CUBN: variants seen among roughly 807,000 people sequenced by gnomAD.
The protein encoded by CUBN is cubilin.
In CUBN, 282 loss-of-function variants were observed where a neutral mutation model predicts 405.3. That is an observed-to-expected ratio of 0.70 (90% CI 0.63 to 0.77). The LOEUF (loss-of-function observed/expected upper bound fraction) is 0.77, where lower values mean the gene tolerates loss of function less well. Ranked by LOEUF, CUBN falls within the 30% of genes least tolerant of loss-of-function variation. CUBN has a pLI of 0.00. For synonymous variants in CUBN, 1,684 were observed against 1,617.0 expected (o/e 1.04, Z -0.99); for missense variants, 4,514 against 4,475.2 (o/e 1.01, Z -0.25).
At position 16,990,372 on chromosome 10, in the gene CUBN, C is replaced by T. The variant is rs764937978; in HGVS notation, c.4312G>A (p.Val1438Met). 1 of 1,614,210 alleles carries T rather than the reference C, an allele frequency of 6.2e-7. No homozygotes were observed. Among genetic ancestry groups the T allele is most frequent in the Admixed American group, 1.7e-5 (1 of 60,022 alleles). Residue 1438 changes from valine (V) to methionine (M), a missense_variant, in exon 29 of 67, where the codon GTG (valine) becomes ATG (methionine). Val to Met is a conservative substitution (Grantham distance 21). Transcript: ENST00000377833. ...AAGTTGCACCTTGAATGATACTCCA[C>T]ATCGAAGTCATGGATGGTGAGCTGA... ...SIQLTIHDFD[V>M]EYHSRCNFDV...
At chr10:16,943,528 T>C (rs1319811426) in intron 36 of CUBN, among the ~76,000 whole-genome samples, 2 of 152,226 alleles carry the variant, frequency 1.3e-5, no homozygotes, top group Non-Finnish European at 2.9e-5. Context: ...TTATTACTCA[T>C]AATATGATCA....
intron 31 of CUBN, among the ~76,000 whole-genome samples, chr10:16,972,683 C>A (rs61841477): frequency 0.14 from 20,613 of 151,974 alleles, 1,505 homozygotes; most frequent in Non-Finnish European, 0.16. Flanking sequence ...GTCTCGGCCT[C>A]CCAAAGTGCT....
At chr10:16,914,415 C>T (rs1164907982) in intron 47 of CUBN, among the ~76,000 whole-genome samples, 1 of 151,958 alleles carries the variant, frequency 6.6e-6, no homozygotes, top group Non-Finnish European at 1.5e-5. Flanking sequence ...AAAAATTAGC[C>T]GGGCGTCGTG....
intron 63 of CUBN, among the ~76,000 whole-genome samples, 153 bp downstream of exon 63, chr10:16,836,082 T>C (rs1839159558): frequency 6.6e-6 from 1 of 152,228 alleles, no homozygotes; most frequent in South Asian, 2.1e-4. Flanking sequence ...TTTGCTAAAT[T>C]GGGCTGGGTT....
intron 59 of CUBN, among the ~76,000 whole-genome samples, chr10:16,858,306 C>CTTATTT (rs978331395): frequency 7.9e-5 from 12 of 152,036 alleles, no homozygotes; most frequent in African/African-American, 2.9e-4. Context: ...AAAAGCTTAA[C>CTTATTT]TTATTTTTAT....
intron 17 of CUBN, among the ~76,000 whole-genome samples, chr10:17,078,970 A>G (rs1006095894): frequency 3.3e-5 from 5 of 152,220 alleles, no homozygotes; most frequent in Non-Finnish European, 2.9e-5. Flanking sequence ...TCCTTCAAAC[A>G]CAGCAAAAAT....
At chr10:16,917,166 A>T (rs1229651766) in intron 45 of CUBN, among the ~76,000 whole-genome samples, 2 of 152,146 alleles carry the variant, frequency 1.3e-5, no homozygotes, top group African/African-American at 4.8e-5. Flanking sequence ...TCAGAGAAAA[A>T]AAAGGTTAAT....
Position 17,123,730 on chromosome 10 carries a change from C to T in CUBN, c.388-41G>A, listed in dbSNP as rs748001849. 5.6e-6 allele frequency: 8 copies of T among 1,421,492 alleles called. No homozygotes were observed. The African/African-American group carries it at 9.8e-5, about 17-fold the overall frequency. The allele number at this position is 1,421,492 out of a possible 1,614,324, so 88.1% of individuals were successfully genotyped here. A position where few individuals can be genotyped will look rare whatever the true frequency, so the allele number is the denominator to read the frequency against. On this transcript the variant is annotated intron_variant, in intron 4 of 66. Transcript: ENST00000377833. ...GACAGTCAATGAGATGACTTGCAGTCAGCAGCAACAAAACGCATGTTACCG... is the reference window on the plus strand; with the variant it reads ...GACAGTCAATGAGATGACTTGCAGTTAGCAGCAACAAAACGCATGTTACCG...
chr10:16,881,826 T>A (rs1840671751), intron 56 of CUBN, among the ~76,000 whole-genome samples: 1 of 152,106 alleles, frequency 6.6e-6, no homozygotes, highest in Admixed American at 6.5e-5. Context: ...TGCAAGAAAA[T>A]GGATATGTGT....
chr10:16,989,570 A>T (rs1251200639), intron 29 of CUBN, among the ~76,000 whole-genome samples: 1 of 94,646 alleles, frequency 1.1e-5, no homozygotes, highest in African/African-American at 3.3e-5. Context: ...TTAAAGCTAT[A>T]TATTTAAAAT....
At chr10:17,008,038 A>G (rs1014676504) in intron 28 of CUBN, among the ~76,000 whole-genome samples, 1 of 152,104 alleles carries the variant, frequency 6.6e-6, no homozygotes, top group Non-Finnish European at 1.5e-5. Context: ...CTGTAGTCCC[A>G]GCTACTCAAG....
In CUBN at chr10:16,869,802, C is replaced by T; in HGVS notation, c.9288G>A (p.Leu3096=). 1 of 1,614,070 alleles carries T rather than the reference C, an allele frequency of 6.2e-7. No homozygotes were observed. Among genetic ancestry groups the T allele is most frequent in the Non-Finnish European group, 8.5e-7 (1 of 1,179,984 alleles). ...VPSTSCSHDY[L]AIYDGANTSD... Reference sequence around the variant, plus strand: ...TGGTATTGGCACCATCGTAAATTGCCAGGTAGTCATGGGAGCAGGAGGTGG... The same window carrying T: ...TGGTATTGGCACCATCGTAAATTGCTAGGTAGTCATGGGAGCAGGAGGTGG... The change falls in exon 59 of 67, where the codon CTG becomes CTA. Residue 3096 remains leucine, a synonymous_variant. Coordinates refer to ENST00000377833, the MANE Select transcript of CUBN (RefSeq NM_001081.4).
chr10:17,095,583 T>C (rs1836355863), intron 14 of CUBN, among the ~76,000 whole-genome samples: 1 of 152,052 alleles, frequency 6.6e-6, no homozygotes, highest in Non-Finnish European at 1.5e-5. Flanking sequence ...AGAATGGCCA[T>C]TATCGAGAAG....
At chr10:17,007,459 A>C (rs1834058417) in intron 28 of CUBN, among the ~76,000 whole-genome samples, 1 of 152,250 alleles carries the variant, frequency 6.6e-6, no homozygotes, top group African/African-American at 2.4e-5. Context: ...TCGTTCACAA[A>C]GAAGCATATT....
At chr10:17,087,534 G>GGC (rs753335825) in intron 15 of CUBN, among the ~76,000 whole-genome samples, 7 of 139,572 alleles carry the variant, frequency 5.0e-5, no homozygotes, top group Non-Finnish European at 1.1e-4. Context: ...GGAGTGCAGT[G>GGC]GCACGATCTC....
In CUBN at chr10:17,041,130, T is replaced by C; in HGVS notation, c.3920A>G (p.Asn1307Ser). The C allele has an allele frequency of 4.3e-6, 7 of 1,613,800 alleles. No individual in the cohort carries two copies. Among genetic ancestry groups the C allele is most frequent in the Non-Finnish European group, 5.9e-6 (7 of 1,179,782 alleles). Residue 1307 changes from asparagine to serine, a missense_variant, in exon 27 of 67, where the codon AAC becomes AGC. By Grantham distance (46) the Asn-to-Ser change is conservative. Around this residue, in one of 5 missense-constraint regions of CUBN, gnomAD observed 242 missense variants for 309.0 expected, o/e 0.78. Transcript: ENST00000377833. Reference sequence around the variant, plus strand: ...GCCTGTTGTTGCCCGGATGGTCCAGTTGCAATGCTGATTTTCAGAATAAGG... The same window carrying C: ...GCCTGTTGTTGCCCGGATGGTCCAGCTGCAATGCTGATTTTCAGAATAAGG... ...PNPYSENQHC[N>S]WTIRATTGNT... is the part of the protein sequence containing the mutation.
At chr10:16,987,968 T>C (rs1325515399) in intron 29 of CUBN, among the ~76,000 whole-genome samples, 1 of 152,138 alleles carries the variant, frequency 6.6e-6, no homozygotes, top group Non-Finnish European at 1.5e-5. Flanking sequence ...CTTGTCATAA[T>C]AAAAATAAGC....
At chr10:16,997,194 G>T (rs1202429034) in intron 28 of CUBN, among the ~76,000 whole-genome samples, 1 of 152,138 alleles carries the variant, frequency 6.6e-6, no homozygotes, top group Non-Finnish European at 1.5e-5. Context: ...CCAGCACTTA[G>T]GGAGGCAAAG....
chr10:16,889,731 T>C (rs1273940477), intron 55 of CUBN, among the ~76,000 whole-genome samples: 1 of 148,034 alleles, frequency 6.8e-6, no homozygotes, highest in Non-Finnish European at 1.5e-5. Context: ...CCGTCTCTAC[T>C]AAAAATACAA....
Sources: allele counts gnomAD v4.1 joint callset (sites outside exome capture counted in the v4.1 genomes callset), GRCh38; gene constraint gnomAD v4.1.1; regional missense constraint gnomAD v4.1.1; transcripts MANE v1.5; gene names NCBI Gene and HGNC (gene_info 2026-07-23, HGNC 2026-07-21).